The following SHISA9 variants were observed in gnomAD, a reference collection of about 807,000 sequenced individuals.
The protein encoded by SHISA9 is shisa family member 9.
Under a neutral mutation model 38.0 loss-of-function variants are expected in SHISA9, and 13 were observed. That is an observed-to-expected ratio of 0.34 (90% CI 0.22 to 0.54). The LOEUF is 0.54. SHISA9 is among the 20% of genes least tolerant of loss of function. SHISA9 has a pLI of 0.91. For synonymous variants in SHISA9, 275 were observed against 242.0 expected (o/e 1.14, Z -1.27); for missense variants, 538 against 575.8 (o/e 0.93, Z 0.67).
the SHISA9 span, among the ~76,000 whole-genome samples, chr16:13,378,581 C>T: frequency 6.6e-5 from 10 of 152,138 alleles, no homozygotes; most frequent in Non-Finnish European, 1.3e-4. Context: ...ATAGAGAAAT[C>T]GAGAGACAGA....
chr16:13,031,721 C>G (rs1341398178), intron 2 of SHISA9, among the ~76,000 whole-genome samples: 1 of 152,174 alleles, frequency 6.6e-6, no homozygotes, highest in South Asian at 2.1e-4. Flanking sequence ...TAAGGCTAGG[C>G]TCATATGAGA....
chr16:13,142,970 G>A (rs1268569556), intron 2 of SHISA9, among the ~76,000 whole-genome samples: 2 of 114,478 alleles, frequency 1.7e-5, no homozygotes, highest in Non-Finnish European at 3.7e-5. Context: ...GGTGGATGAA[G>A]AACCTCTGTA....
chr16:13,276,503 T>C, the SHISA9 span, among the ~76,000 whole-genome samples: 2 of 152,106 alleles, frequency 1.3e-5, no homozygotes, highest in Non-Finnish European at 2.9e-5. Flanking sequence ...CTGTTTTCCA[T>C]AGTGCCTATA....
chr16:12,950,149 C>T (rs543154667), intron 2 of SHISA9, among the ~76,000 whole-genome samples: 3 of 152,328 alleles, frequency 2.0e-5, no homozygotes, highest in African/African-American at 7.2e-5. Context: ...ACTTATTTCA[C>T]TTAACATAAT....
chr16:13,015,478 C>A (rs533009997), intron 2 of SHISA9, among the ~76,000 whole-genome samples: 3 of 152,362 alleles, frequency 2.0e-5, no homozygotes, highest in South Asian at 4.1e-4. Context: ...GGACTCCAGT[C>A]GGCATCTCCA....
Position 13,171,028 on chromosome 16 carries a change from G to C in SHISA9, c.692-32366G>C, listed in dbSNP as rs1469422597. The stretch of plus-strand genomic sequence containing the variant: ...ATTTATTTGATTCACCCTTCTGCAG[G>C]CTGTACAAGAAGCATGGTGCTGGCA... On this transcript the variant is annotated intron_variant, in intron 2 of 4. Coordinates refer to ENST00000558583, the MANE Select transcript of SHISA9 (RefSeq NM_001145204.3). Among the ~76,000 whole-genome samples, 15 of 152,290 alleles carry C rather than the reference G, an allele frequency of 9.8e-5. No individual in the cohort carries two copies. The East Asian group carries it at 2.9e-3, about 29-fold the overall frequency.
chr16:13,087,474 C>G (rs938372090), intron 2 of SHISA9, among the ~76,000 whole-genome samples: 3 of 152,192 alleles, frequency 2.0e-5, no homozygotes, highest in African/African-American at 7.2e-5. Flanking sequence ...TCTCCACATC[C>G]TCTCCAGCAT....
At chr16:13,053,493 A>G (rs1482265125) in intron 2 of SHISA9, among the ~76,000 whole-genome samples, 1 of 152,214 alleles carries the variant, frequency 6.6e-6, no homozygotes, top group Non-Finnish European at 1.5e-5. Flanking sequence ...GTTCTCTTAA[A>G]TAATGCAAAT....
chr16:13,409,538 C>T, the SHISA9 span, among the ~76,000 whole-genome samples: 31 of 152,360 alleles, frequency 2.0e-4, no homozygotes, highest in African/African-American at 7.2e-4. Context: ...GGTGACCCCA[C>T]GCCCCTGTCA....
At chr16:13,409,323 A>T in the SHISA9 span, among the ~76,000 whole-genome samples, 1 of 152,194 alleles carries the variant, frequency 6.6e-6, no homozygotes, top group African/African-American at 2.4e-5. Flanking sequence ...TTTTTCCAGG[A>T]CACTGGACAA....
Position 12,947,430 on chromosome 16 carries a change from C to T in SHISA9, c.691+30615C>T, listed in dbSNP as rs568583529. On this transcript the variant is annotated intron_variant, in intron 2 of 4. Transcript: ENST00000558583. Reference sequence around the variant, plus strand: ...CATGTTAAACGCAAATGCATTCAAACGTAATTATTTGGAGCAGCTATAAAC... The same window carrying T: ...CATGTTAAACGCAAATGCATTCAAATGTAATTATTTGGAGCAGCTATAAAC... Among the ~76,000 whole-genome samples the T allele has an allele frequency of 5.9e-4, 90 of 152,174 alleles. 1 individual carries two copies. The highest frequency in any genetic ancestry group is 1.9e-3 in the African/African-American group (79 of 41,532).
intron 2 of SHISA9, among the ~76,000 whole-genome samples, chr16:12,980,222 C>T (rs2072222891): frequency 6.6e-6 from 1 of 152,168 alleles, no homozygotes; most frequent in African/African-American, 2.4e-5. Flanking sequence ...GTACCATCTC[C>T]ACTGTATGTC....
chr16:13,553,595 C>A, the SHISA9 span, among the ~76,000 whole-genome samples: 1 of 151,946 alleles, frequency 6.6e-6, no homozygotes, highest in Non-Finnish European at 1.5e-5. Flanking sequence ...ACTCCAGAAC[C>A]GAAACACATG....
intron 2 of SHISA9, among the ~76,000 whole-genome samples, chr16:13,036,072 G>A (rs574554645): frequency 1.3e-5 from 2 of 152,300 alleles, no homozygotes; most frequent in South Asian, 4.1e-4. Flanking sequence ...ACAGAGAAGA[G>A]TTTGGTTGTT....
intron 2 of SHISA9, among the ~76,000 whole-genome samples, chr16:13,144,031 G>T (rs763495799): frequency 6.6e-6 from 1 of 152,100 alleles, no homozygotes; most frequent in Non-Finnish European, 1.5e-5. Flanking sequence ...TTTGGGAGGG[G>T]CATGGTCAAT....
intron 2 of SHISA9, among the ~76,000 whole-genome samples, chr16:13,151,926 CTGGCACATAGTAGG>C (rs2050503267): frequency 6.6e-6 from 1 of 152,166 alleles, no homozygotes; most frequent in Admixed American, 6.5e-5. Flanking sequence ...ACCAGGGTTT[CTGGCACATAGTAGG>C]TGTTATCATT....
the SHISA9 span, among the ~76,000 whole-genome samples, chr16:13,478,827 C>T: frequency 3.3e-5 from 5 of 152,134 alleles, no homozygotes; most frequent in Non-Finnish European, 7.3e-5. Context: ...ATCCTAATAT[C>T]TGGGAGTGGT....
chr16:13,407,204 A>G, the SHISA9 span, among the ~76,000 whole-genome samples: 3 of 152,064 alleles, frequency 2.0e-5, no homozygotes, highest in Non-Finnish European at 4.4e-5. Flanking sequence ...TCTGGAGGCC[A>G]AGAAGTCCTA....
Position 13,075,075 on chromosome 16 carries a change from C to T in SHISA9, c.692-128319C>T, listed in dbSNP as rs550640956. ...GTACCCAGTTAGGACCCTATATCTG[C>T]CCCCTACCATAAGTGCTCCCAGCAC... On this transcript the variant is annotated intron_variant, in intron 2 of 4. Coordinates refer to ENST00000558583, the MANE Select transcript of SHISA9 (RefSeq NM_001145204.3). Among the ~76,000 whole-genome samples the T allele has an allele frequency of 7.2e-5, 11 of 152,304 alleles. No individual in the cohort carries two copies. The South Asian group carries it at 2.1e-3, about 29-fold the overall frequency.
Sources: gnomAD v4.1 joint callset for allele counts (sites outside exome capture counted in the v4.1 genomes callset) on GRCh38, gnomAD v4.1.1 for gene constraint, MANE v1.5 for transcripts, NCBI Gene and HGNC (gene_info 2026-07-23, HGNC 2026-07-21) for gene names.